Variants in ANKS1A observed in about 807,000 individuals in gnomAD.
ANKS1A encodes the protein ankyrin repeat and sterile alpha motif domain containing 1A.
Under a neutral mutation model 120.3 loss-of-function variants are expected in ANKS1A, and 55 were observed. The ratio of observed to expected loss-of-function variants is 0.46; its 90% confidence interval spans 0.37 to 0.57. The LOEUF (loss-of-function observed/expected upper bound fraction) is 0.57. ANKS1A is among the 20% of genes least tolerant of loss of function. ANKS1A has a pLI of 0.00. For synonymous variants in ANKS1A, 590 were observed against 604.7 expected (o/e 0.98, Z 0.36); for missense variants, 1,123 against 1,480.3 (o/e 0.76, Z 3.96).
At chr6:34,915,615 G>A (rs1047533933) in intron 1 of ANKS1A, among the ~76,000 whole-genome samples, 1 of 152,194 alleles carries the variant, frequency 6.6e-6, no homozygotes, top group African/African-American at 2.4e-5. Context: ...CCAAAGGGCA[G>A]GGATTACAGG....
intron 13 of ANKS1A, among the ~76,000 whole-genome samples, chr6:35,066,472 G>T (rs1776782071): frequency 6.6e-6 from 1 of 152,114 alleles, no homozygotes; most frequent in African/African-American, 2.4e-5. Context: ...AGGATGGCAG[G>T]CAGGAGATGA....
intron 13 of ANKS1A, among the ~76,000 whole-genome samples, chr6:35,070,402 T>A (rs1777018165): frequency 6.6e-6 from 1 of 151,824 alleles, no homozygotes; most frequent in South Asian, 2.1e-4. Flanking sequence ...TAGAAAACAC[T>A]TACCATCTAT....
chr6:35,059,390 G>A (rs1776370201), intron 12 of ANKS1A, among the ~76,000 whole-genome samples: 1 of 152,218 alleles, frequency 6.6e-6, no homozygotes, highest in South Asian at 2.1e-4. Flanking sequence ...GCCCCATTCA[G>A]CCCCTTGCTG....
At chr6:34,932,805 T>G (rs942923844) in intron 1 of ANKS1A, among the ~76,000 whole-genome samples, 1 of 152,294 alleles carries the variant, frequency 6.6e-6, no homozygotes, top group African/African-American at 2.4e-5. Context: ...ATGATGCTAC[T>G]TTGAACATCC....
chr6:34,996,475 T>C (rs1772858795), intron 10 of ANKS1A, among the ~76,000 whole-genome samples: 1 of 151,806 alleles, frequency 6.6e-6, no homozygotes. Flanking sequence ...AGGTCACCAA[T>C]CTTTTTTTTT....
At chr6:35,033,268 G>A (rs1455683257) in intron 11 of ANKS1A, among the ~76,000 whole-genome samples, 2 of 152,206 alleles carry the variant, frequency 1.3e-5, no homozygotes, top group African/African-American at 4.8e-5. Context: ...AGCTCCATAT[G>A]TTCCCACAGG....
chr6:35,080,850 C>A, intron 16 of ANKS1A, 144 bp from the exon 17 acceptor site: 1 of 964,832 alleles, frequency 1.0e-6, no homozygotes, highest in Non-Finnish European at 1.5e-6. Flanking sequence ...CTGTCTGACA[C>A]CCCTGTGGTG....
At chr6:35,031,945 C>T (rs901682862) in intron 11 of ANKS1A, among the ~76,000 whole-genome samples, 2 of 152,150 alleles carry the variant, frequency 1.3e-5, no homozygotes, top group South Asian at 2.1e-4. Context: ...GTGGCTTTCT[C>T]CATTTCTTTT....
intron 1 of ANKS1A, among the ~76,000 whole-genome samples, chr6:34,959,903 C>G (rs1024118540): frequency 2.0e-5 from 3 of 152,142 alleles, no homozygotes; most frequent in African/African-American, 7.2e-5. Context: ...AGAGCCTGTG[C>G]CTCCCCTTGT....
rs199984421 is a variant in ANKS1A at position 34,940,923 on chromosome 6, TTAAAA to T, written c.198-26312_198-26308del. Among the ~76,000 whole-genome samples the T allele has an allele frequency of 7.7e-3, 1,154 of 150,294 alleles. 21 individuals carry two copies. The highest frequency in any genetic ancestry group is 0.026 in the African/African-American group (1,054 of 40,988). Reference sequence around the variant, plus strand: ...AACTCTGTGTCAAAAAAAAAAAAAATTAAAATAATATATCCTCATGATAAAAAAGT... The same window carrying T: ...AACTCTGTGTCAAAAAAAAAAAAAATTAATATATCCTCATGATAAAAAAGT... On this transcript the variant is annotated intron_variant, in intron 1 of 23. Coordinates refer to ENST00000360359, the MANE Select transcript of ANKS1A (RefSeq NM_015245.3).
intron 1 of ANKS1A, among the ~76,000 whole-genome samples, chr6:34,933,613 G>A (rs1014658732): frequency 1.3e-5 from 2 of 152,016 alleles, no homozygotes; most frequent in Admixed American, 6.6e-5. Context: ...TAGGTGATCC[G>A]CCCGCCTCAG....
chr6:34,939,493 T>G (rs1321483807), intron 1 of ANKS1A, among the ~76,000 whole-genome samples: 2 of 152,248 alleles, frequency 1.3e-5, no homozygotes, highest in Non-Finnish European at 2.9e-5. Flanking sequence ...AATATTATAA[T>G]ATACACTATG....
intron 13 of ANKS1A, among the ~76,000 whole-genome samples, chr6:35,068,509 C>T (rs1725357156): frequency 6.6e-6 from 1 of 152,234 alleles, no homozygotes; most frequent in South Asian, 2.1e-4. Flanking sequence ...TCCCCGCACT[C>T]AGCTCTTCCT....
chr6:34,991,253 A>C (rs1248485940), intron 9 of ANKS1A, among the ~76,000 whole-genome samples: 1 of 152,166 alleles, frequency 6.6e-6, no homozygotes. Context: ...CCTGATCATG[A>C]AACTGGCTTA....
chr6:34,946,140 C>T (rs1769783557), intron 1 of ANKS1A, among the ~76,000 whole-genome samples: 1 of 151,802 alleles, frequency 6.6e-6, no homozygotes. Flanking sequence ...GCCACCACGC[C>T]CAGCTAATTT....
Position 34,967,258 on chromosome 6 carries a change from G to A in ANKS1A, c.217G>A (p.Val73Met). Residue 73 changes from valine (V) to methionine (M), a missense_variant, in exon 2 of 24, where the codon GTG becomes ATG. Physicochemically the swap from Val to Met is conservative, Grantham distance 21 (BLOSUM62 1). Around this residue, in one of 3 missense-constraint regions of ANKS1A, gnomAD observed 146 missense variants for 267.8 expected, o/e 0.55. Transcript: ENST00000360359. Reference protein sequence around the residue: ...SLLSMWRGPNVNCVDSTGYTP... With the variant: ...SLLSMWRGPNMNCVDSTGYTP... ...TGATAGCATGTGGAGAGGGCCAAAT[G>A]TGAACTGTGTTGACAGCACTGGCTA... 6.2e-7 allele frequency: 1 copy of A among 1,613,464 alleles called. No individual in the cohort carries two copies. Among genetic ancestry groups the A allele is most frequent in the Non-Finnish European group, 8.5e-7 (1 of 1,179,840 alleles).
At chr6:35,039,356 C>T (rs1264983276) in intron 11 of ANKS1A, among the ~76,000 whole-genome samples, 2 of 151,664 alleles carry the variant, frequency 1.3e-5, no homozygotes, top group African/African-American at 4.8e-5. Flanking sequence ...CGCCACCACA[C>T]CTGGCTGATT....
At chr6:34,944,870 T>G (rs1159766970) in intron 1 of ANKS1A, among the ~76,000 whole-genome samples, 3 of 152,240 alleles carry the variant, frequency 2.0e-5, no homozygotes, top group Admixed American at 2.0e-4. Flanking sequence ...GTCTGTGGCT[T>G]GTCTTTTCAT....
chr6:34,995,538 A>C lies in ANKS1A; in HGVS notation c.1423+1116A>C, dbSNP rs146263523. On this transcript the variant is annotated intron_variant, in intron 10 of 23. Transcript: ENST00000360359. ...AAAAATATAGAACAGTTTCATCCCC[A>C]AAATTTTTCCATGTTCTTTTGTAGT... Among the ~76,000 whole-genome samples the C allele has an allele frequency of 3.1e-3, 473 of 152,284 alleles. 2 individuals carry two copies. Among genetic ancestry groups the C allele is most frequent in the African/African-American group, 9.5e-3 (397 of 41,572 alleles).
Sources: gnomAD v4.1 joint callset for allele counts (sites outside exome capture counted in the v4.1 genomes callset) on GRCh38, gnomAD v4.1.1 for gene constraint, gnomAD v4.1.1 regional missense constraint, MANE v1.5 for transcripts, NCBI Gene and HGNC (gene_info 2026-07-23, HGNC 2026-07-21) for gene names.